Variants in PFKFB3 observed in about 807,000 individuals in gnomAD.
The protein encoded by PFKFB3 is 6-phosphofructo-2-kinase/fructose-2,6-biphosphatase 3, also known as 6-phosphofructo-2-kinase/fructose-2,6-bisphosphatase 3.
Under a neutral mutation model 68.0 loss-of-function variants are expected in PFKFB3, and 33 were observed. The ratio of observed to expected loss-of-function variants is 0.49; its 90% CI spans 0.37 to 0.65. The LOEUF (loss-of-function observed/expected upper bound fraction) is 0.65. Ranked by LOEUF, PFKFB3 falls within the 30% of genes least tolerant of loss-of-function variation. PFKFB3 has a pLI of 0.00. For missense variants in PFKFB3, 586 were observed against 712.2 expected (o/e 0.82, Z 2.02); for synonymous variants, 315 against 288.2 (o/e 1.09, Z -0.94).
chr10:6,215,337 G>C lies in PFKFB3; in HGVS notation c.299+20G>C. 1.3e-6 allele frequency: 2 copies of C among 1,582,780 alleles called. No homozygotes were observed. Among genetic ancestry groups the C allele is most frequent in the South Asian group, 2.2e-5 (2 of 90,258 alleles). On this transcript the variant is annotated intron_variant, in intron 3 of 14. Transcript: ENST00000379775. The surrounding 1 kb of genome is among the most constrained non-coding windows in gnomAD (Gnocchi z 4.3). ...CCGGAAGTAAGGCTGGGCCGCGGGC[G>C]TAGGGCTGGGCTGTGGGAATAAGGC...
At chr10:6,256,845 G>A (rs575416602), downstream of PFKFB3, among the ~76,000 whole-genome samples, 10 of 152,268 alleles carry the variant, frequency 6.6e-5, no homozygotes, top group South Asian at 1.2e-3. Context: ...AAAGGGAACC[G>A]TGCGAAGGGA....
At chr10:6,146,603 C>G in intron 1 of PFKFB3, 1 of 1,129,032 alleles carries the variant, frequency 8.9e-7, no homozygotes, top group South Asian at 1.5e-5. Flanking sequence ...CTGACTTCAT[C>G]GCTTCTGCCC....
chr10:6,258,624 A>G (rs80067036), downstream of PFKFB3, among the ~76,000 whole-genome samples: 333 of 152,340 alleles, frequency 2.2e-3, no homozygotes, highest in African/African-American at 7.6e-3. Context: ...CTGTCTTAGG[A>G]AAACCTGCTC....
intron 1 of PFKFB3, among the ~76,000 whole-genome samples, chr10:6,184,341 C>T (rs1294795302): frequency 6.6e-6 from 1 of 152,150 alleles, no homozygotes; most frequent in Non-Finnish European, 1.5e-5. Context: ...GTGTGAGCTA[C>T]CACACCCAGC....
intron 1 of PFKFB3, chr10:6,146,253 G>C: frequency 2.1e-6 from 3 of 1,456,192 alleles, no homozygotes; most frequent in Non-Finnish European, 1.8e-6. Flanking sequence ...CGGCCAGCGT[G>C]ATGCTACGGT....
chr10:6,299,663 C>G, the PFKFB3 span, among the ~76,000 whole-genome samples: 8 of 152,244 alleles, frequency 5.3e-5, no homozygotes. Flanking sequence ...TTGACCTTGA[C>G]TTTTCAGGAA....
upstream of PFKFB3, among the ~76,000 whole-genome samples, chr10:6,200,659 C>CGGGGGGGGGG (rs57019530): frequency 2.9e-5 from 2 of 68,884 alleles, no homozygotes; most frequent in African/African-American, 6.6e-5. Flanking sequence ...ATGTAAGGAG[C>CGGGGGGGGGG]GGGGGGGGGG....
intron 1 of PFKFB3, among the ~76,000 whole-genome samples, chr10:6,190,306 T>A (rs1481135977): frequency 6.6e-6 from 1 of 152,244 alleles, no homozygotes; most frequent in Non-Finnish European, 1.5e-5. Context: ...AAACAATTAT[T>A]CCTGCAGTGA....
chr10:6,304,038 G>A, the PFKFB3 span, among the ~76,000 whole-genome samples: 7 of 152,090 alleles, frequency 4.6e-5, no homozygotes, highest in Non-Finnish European at 1.0e-4. Flanking sequence ...TCACCATGTG[G>A]AGAAGCCATC....
In PFKFB3 at chr10:6,220,942, G is replaced by GTGT; in HGVS notation, c.831+79_831+80insTTG. ...GTCTATAGGGTGGGTGGGGAGCTGT[G>GTGT]TGCTGCTGCTGCTGCTGCTGCTGCT... On this transcript the variant is annotated intron_variant, in intron 8 of 14. Coordinates refer to ENST00000379775, the MANE Select transcript of PFKFB3 (RefSeq NM_004566.4). This position sits in a 1 kb window ranked among gnomAD's most constrained non-coding sequence, Gnocchi z 4.1. 2 of 887,052 alleles carry GTGT rather than the reference G, an allele frequency of 2.3e-6. No homozygotes were observed. The highest frequency in any genetic ancestry group is 1.4e-5 in the South Asian group (1 of 69,956). 54.9% of individuals were successfully genotyped at this position (887,052 alleles called of 1,614,324 possible).
At chr10:6,274,026 G>A in the PFKFB3 span, among the ~76,000 whole-genome samples, 1 of 151,996 alleles carries the variant, frequency 6.6e-6, no homozygotes, top group East Asian at 1.9e-4. Context: ...GGCAGCATGG[G>A]GAGACCTGTC....
At chr10:6,188,464 AT>A (rs59302014) in intron 1 of PFKFB3, among the ~76,000 whole-genome samples, 60 of 150,586 alleles carry the variant, frequency 4.0e-4, no homozygotes, top group African/African-American at 1.4e-3. Context: ...TTTTTTAAAC[AT>A]TTTTTTTCAA....
rs71391803 is a variant in PFKFB3, at chr10:6,249,178, T to TAAAAAAAA, written c.1516-4982_1516-4975dup. Among the ~76,000 whole-genome samples the TAAAAAAAA allele has an allele frequency of 2.3e-4, 18 of 76,954 alleles. 1 individual carries two copies. Among genetic ancestry groups the TAAAAAAAA allele is most frequent in the East Asian group, 1.2e-3 (4 of 3,294 alleles). The allele number at this position is 76,954 out of a possible 152,430, so 50.5% of individuals were successfully genotyped here. A position where few individuals can be genotyped will look rare whatever the true frequency, so the allele number is the denominator to read the frequency against. ...AACAAGAGCAAAACTCCGTCTCAAT[T>TAAAAAAAA]AAAAAAAAAAAAAAAAAAAAAAAAA... is the stretch of plus-strand genomic sequence containing the variant. On this transcript the variant is annotated intron_variant, in intron 14 of 14. Transcript: ENST00000640683.
the PFKFB3 span, among the ~76,000 whole-genome samples, chr10:6,261,529 A>T: frequency 6.6e-6 from 1 of 152,212 alleles, no homozygotes; most frequent in Admixed American, 6.5e-5. Flanking sequence ...GGCCTTGTTG[A>T]CAGAGGAGAG....
chr10:6,198,702 C>CG (rs1211382174), upstream of PFKFB3, among the ~76,000 whole-genome samples: 2 of 152,216 alleles, frequency 1.3e-5, no homozygotes, highest in Non-Finnish European at 2.9e-5. Context: ...AGGCTGGTCT[C>CG]GAACTCCTGA....
At chr10:6,167,676 C>T (rs1286847549) in intron 1 of PFKFB3, among the ~76,000 whole-genome samples, 1 of 152,228 alleles carries the variant, frequency 6.6e-6, no homozygotes, top group Non-Finnish European at 1.5e-5. Context: ...ATTGGATTAT[C>T]TGAGGCAGCA....
chr10:6,165,002 GC>G (rs1177860526), intron 1 of PFKFB3, among the ~76,000 whole-genome samples: 1 of 151,490 alleles, frequency 6.6e-6, no homozygotes, highest in Non-Finnish European at 1.5e-5. Flanking sequence ...CTGCAAAGAG[GC>G]CCCCTCTCTT....
intron 14 of PFKFB3, among the ~76,000 whole-genome samples, chr10:6,230,585 C>A (rs1213432601): frequency 6.6e-6 from 1 of 152,104 alleles, no homozygotes; most frequent in African/African-American, 2.4e-5. Flanking sequence ...CCTGTGGAGA[C>A]TTCTGGGCTT....
intron 13 of PFKFB3, 122 bp downstream of exon 13, chr10:6,224,335 C>T: frequency 2.3e-6 from 2 of 867,454 alleles, no homozygotes; most frequent in Non-Finnish European, 3.7e-6. Context: ...GGGCCATGGG[C>T]CTGCTGGCTG....
Sources: gnomAD v4.1 joint callset for allele counts (sites outside exome capture counted in the v4.1 genomes callset) on GRCh38, gnomAD v4.1.1 for gene constraint, Gnocchi (gnomAD v3.1) non-coding constraint, MANE v1.5 for transcripts, NCBI Gene and HGNC (gene_info 2026-07-23, HGNC 2026-07-21) for gene names.